Variants in ASTN1 observed in about 807,000 individuals in gnomAD.
ASTN1 encodes the protein astrotactin-1.
A neutral mutation model predicts 140.7 loss-of-function variants in ASTN1; 41 were observed. That is an observed-to-expected ratio of 0.29 (90% CI 0.23 to 0.38). The LOEUF is 0.38. ASTN1 is among the 10% of genes least tolerant of loss of function. ASTN1 has a pLI of 1.00. For missense variants in ASTN1, 1,479 were observed against 1,678.8 expected (o/e 0.88, Z 2.08); for synonymous variants, 640 against 652.2 (o/e 0.98, Z 0.29).
At chr1:176,958,703 A>G (rs1250943456) in intron 9 of ASTN1, among the ~76,000 whole-genome samples, 1 of 152,248 alleles carries the variant, frequency 6.6e-6, no homozygotes, top group Non-Finnish European at 1.5e-5. Flanking sequence ...GTGCCTACTC[A>G]GTAGTTGTTA....
intron 1 of ASTN1, 57 bp downstream of exon 1, chr1:177,164,337 G>C (rs1358660316): frequency 2.7e-6 from 4 of 1,469,420 alleles, no homozygotes; most frequent in Admixed American, 4.6e-5. Flanking sequence ...AGCTGGAGTG[G>C]GGGGTGGGGG....
At chr1:177,086,198 C>A (rs917675725) in intron 1 of ASTN1, among the ~76,000 whole-genome samples, 1 of 148,758 alleles carries the variant, frequency 6.7e-6, no homozygotes, top group Non-Finnish European at 1.5e-5. Context: ...CACCACCCAC[C>A]CCCACCTGCT....
chr1:176,958,602 C>T (rs986681116), intron 9 of ASTN1, 120 bp from the exon 10 acceptor site: 131 of 1,340,934 alleles, frequency 9.8e-5, no homozygotes, highest in Non-Finnish European at 8.6e-5. Flanking sequence ...TTCAGAAAGA[C>T]TGCCTTTTTA....
chr1:176,922,503 G>A (rs1489972025), intron 16 of ASTN1, among the ~76,000 whole-genome samples: 1 of 138,494 alleles, frequency 7.2e-6, no homozygotes, highest in African/African-American at 2.8e-5. Flanking sequence ...GCCAGCCTGG[G>A]ATTCTTTTCC....
Position 176,882,179 on chromosome 1 carries a change from G to C in ASTN1, c.3362+680C>G, listed in dbSNP as rs866571184. Among the ~76,000 whole-genome samples the C allele has an allele frequency of 2.0e-5, 3 of 152,176 alleles. No homozygotes were observed. The South Asian group carries it at 6.2e-4, about 32-fold the overall frequency. On this transcript the variant is annotated intron_variant, in intron 20 of 22. Transcript: ENST00000361833. ...CATTCCAATGGCCATGATATAGTTC[G>C]CTGCATTTCTTTGAAGAAAAGTGCT...
chr1:177,024,609 T>C lies in ASTN1; in HGVS notation c.1244A>G (p.His415Arg), dbSNP rs777666780. 1 of 1,613,950 alleles carries C rather than the reference T, an allele frequency of 6.2e-7. No homozygotes were observed. Among genetic ancestry groups the C allele is most frequent in the South Asian group, 1.1e-5 (1 of 91,052 alleles). Reference protein sequence around the residue: ...NCPLVVKITLHVPEHLIADGS... With the variant: ...NCPLVVKITLRVPEHLIADGS... ...ATCAGCAATCAGGTGCTCAGGGACA[T>C]GCAGGGTGATCTTGACAACGAGAGG... Residue 415 changes from histidine to arginine, a missense_variant, in exon 6 of 23, where the codon CAT (histidine) becomes CGT (arginine). His to Arg is a conservative substitution (Grantham distance 29). Transcript: ENST00000361833.
chr1:177,029,328 G>T (rs777473539), intron 5 of ASTN1: 1 of 581,860 alleles, frequency 1.7e-6, no homozygotes, highest in African/African-American at 1.8e-5. Flanking sequence ...TGTCTGAACA[G>T]CAAAATATGA....
chr1:177,098,430 A>G (rs1207733235), intron 1 of ASTN1, among the ~76,000 whole-genome samples: 1 of 152,192 alleles, frequency 6.6e-6, no homozygotes, highest in South Asian at 2.1e-4. Context: ...GACACTTAGC[A>G]AAGCTGACAT....
At chr1:177,139,546 T>C (rs1230280494) in intron 1 of ASTN1, among the ~76,000 whole-genome samples, 3 of 152,252 alleles carry the variant, frequency 2.0e-5, no homozygotes, top group Non-Finnish European at 4.4e-5. Context: ...GCAGCCTTGT[T>C]AGAGCACAGT....
intron 16 of ASTN1, among the ~76,000 whole-genome samples, chr1:176,916,512 G>A (rs530589851): frequency 1.2e-4 from 18 of 152,114 alleles, no homozygotes; most frequent in Non-Finnish European, 1.6e-4. Flanking sequence ...GAGCCCACAG[G>A]TTTTCCATGT....
At chr1:176,970,353 T>A (rs1321928887) in intron 8 of ASTN1, among the ~76,000 whole-genome samples, 1 of 152,168 alleles carries the variant, frequency 6.6e-6, no homozygotes, top group Admixed American at 6.5e-5. Flanking sequence ...GCTCCCTTCA[T>A]ATGGGCTACC....
intron 8 of ASTN1, among the ~76,000 whole-genome samples, chr1:176,984,992 T>A (rs996898504): frequency 6.6e-6 from 1 of 152,094 alleles, no homozygotes; most frequent in Non-Finnish European, 1.5e-5. Context: ...CACAAAGCTC[T>A]CCCTCCCCAC....
chr1:177,064,543 A>C (rs1226281560), intron 1 of ASTN1, among the ~76,000 whole-genome samples: 1 of 152,152 alleles, frequency 6.6e-6, no homozygotes, highest in Non-Finnish European at 1.5e-5. Flanking sequence ...GGTTTGACAA[A>C]GTACTCCCAT....
chr1:177,017,269 C>A (rs1279612862), intron 7 of ASTN1, among the ~76,000 whole-genome samples: 1 of 152,164 alleles, frequency 6.6e-6, no homozygotes, highest in Admixed American at 6.5e-5. Flanking sequence ...GCAGATGCAG[C>A]CCAAAGTCCA....
At chr1:177,149,871 T>C (rs1038102873) in intron 1 of ASTN1, among the ~76,000 whole-genome samples, 22 of 141,362 alleles carry the variant, frequency 1.6e-4, no homozygotes, top group Admixed American at 1.5e-3. Context: ...AGTAAATATA[T>C]ATACAGTGTA....
In ASTN1 at chr1:177,105,748, A is replaced by G. The variant is rs1326186470; in HGVS notation, c.284-44483T>C. ...ATTGGTATATTCTCGCTTTGTTCTC[A>G]GTGATTTCCACTTATGAACACCTTT... On this transcript the variant is annotated intron_variant, in intron 1 of 22. Transcript: ENST00000361833. Among the ~76,000 whole-genome samples the G allele has an allele frequency of 1.7e-4, 26 of 152,160 alleles. 2 individuals carry two copies. Among genetic ancestry groups the G allele is most frequent in the Admixed American group, 1.7e-3 (26 of 15,274 alleles).
At chr1:177,027,329 C>G (rs1676168403) in intron 5 of ASTN1, among the ~76,000 whole-genome samples, 1 of 152,098 alleles carries the variant, frequency 6.6e-6, no homozygotes, top group Admixed American at 6.6e-5. Context: ...TCACTGTTTA[C>G]AGGCAATTGC....
At chr1:177,157,488 T>C (rs1465861676) in intron 1 of ASTN1, among the ~76,000 whole-genome samples, 1 of 152,136 alleles carries the variant, frequency 6.6e-6, no homozygotes, top group Non-Finnish European at 1.5e-5. Context: ...CTAACTCTTG[T>C]ATTTTTTGTA....
intron 1 of ASTN1, among the ~76,000 whole-genome samples, chr1:177,124,217 A>G (rs1218200800): frequency 6.6e-6 from 1 of 152,182 alleles, no homozygotes; most frequent in African/African-American, 2.4e-5. Flanking sequence ...CCCAGTTAGG[A>G]TCCTCAGCCT....
Sources: gnomAD v4.1 joint callset for allele counts (sites outside exome capture counted in the v4.1 genomes callset) on GRCh38, gnomAD v4.1.1 for gene constraint, MANE v1.5 for transcripts, NCBI Gene and HGNC (gene_info 2026-07-23, HGNC 2026-07-21) for gene names.